CAMK4: variants seen among roughly 807,000 people sequenced by gnomAD.
CAMK4 encodes the protein calcium/calmodulin dependent protein kinase IV, also known as calcium/calmodulin-dependent protein kinase type IV.
CAMK4 carries 22 observed loss-of-function variants against 44.9 expected under a neutral mutation model. That is an observed-to-expected ratio of 0.49 (90% CI 0.35 to 0.70). The LOEUF (loss-of-function observed/expected upper bound fraction) is 0.70. Ranked by LOEUF, CAMK4 falls within the 30% of genes least tolerant of loss-of-function variation. The pLI, the probability that CAMK4 is intolerant of heterozygous loss-of-function variation, is 0.01. For synonymous variants in CAMK4, 218 were observed against 215.4 expected (o/e 1.01, Z -0.11); for missense variants, 498 against 586.8 (o/e 0.85, Z 1.56).
chr5:111,416,529 A>G (rs1253717699), intron 5 of CAMK4: 2 of 152,218 alleles, frequency 1.3e-5, no homozygotes, highest in African/African-American at 2.4e-5. Context: ...TCCAAGATAC[A>G]TAGAACCTCA....
rs1050828343 is a variant in CAMK4 at position 111,494,258 on chromosome 5, T to C, written c.*9792T>C. Reference sequence around the variant, plus strand: ...TTTTAAGTTTACACAACCAAGATTATAGGCTACCTTCCCAACTTCTAATTT... The same window carrying C: ...TTTTAAGTTTACACAACCAAGATTACAGGCTACCTTCCCAACTTCTAATTT... On this transcript the variant is annotated 3_prime_UTR_variant, in exon 11 of 11. Coordinates refer to ENST00000282356, the MANE Select transcript of CAMK4 (RefSeq NM_001744.6). 8 of 152,176 alleles carry C rather than the reference T, an allele frequency of 5.3e-5. No homozygotes were observed. The highest frequency in any genetic ancestry group is 1.2e-4 in the Non-Finnish European group (8 of 68,016). 9.4% of individuals were successfully genotyped at this position (152,176 alleles called of 1,614,324 possible). A position where few individuals can be genotyped will look rare whatever the true frequency, so the allele number is the denominator to read the frequency against.
At chr5:111,347,738 A>G (rs1183654764) in intron 2 of CAMK4, among the ~76,000 whole-genome samples, 1 of 151,960 alleles carries the variant, frequency 6.6e-6, no homozygotes, top group African/African-American at 2.4e-5. Context: ...CTCCAGTATG[A>G]CCTAATCTTA....
At chr5:111,287,001 G>T (rs528084713) in intron 1 of CAMK4, among the ~76,000 whole-genome samples, 61 of 152,270 alleles carry the variant, frequency 4.0e-4, no homozygotes, top group African/African-American at 1.4e-3. Context: ...GTAGGTTCTT[G>T]AGAGTTTTTG....
chr5:111,398,975 A>G (rs1022182260), intron 5 of CAMK4, among the ~76,000 whole-genome samples: 5 of 152,212 alleles, frequency 3.3e-5, no homozygotes, highest in South Asian at 2.1e-4. Flanking sequence ...TCAGACTGCT[A>G]TGAAACCTAC....
intron 1 of CAMK4, among the ~76,000 whole-genome samples, chr5:111,273,774 TAC>T (rs1750643209): frequency 6.9e-6 from 1 of 144,496 alleles, no homozygotes. Flanking sequence ...CACACATATA[TAC>T]ACACACATAC....
In CAMK4 at chr5:111,288,190, T is replaced by C. The variant is rs540834765; in HGVS notation, c.162-55834T>C. Among the ~76,000 whole-genome samples the C allele has an allele frequency of 3.9e-5, 6 of 152,360 alleles. No homozygotes were observed. In the South Asian group the frequency reaches 1.2e-3, roughly 32 times the overall value. On this transcript the variant is annotated intron_variant, in intron 1 of 10. Transcript: ENST00000282356. ...ATATGGTATTCTGTTGTAAAAACAT[T>C]ATCACAATTTATTTTTCTATTCTGC... is the stretch of plus-strand genomic sequence containing the variant.
chr5:111,254,914 A>C (rs1315114798), intron 1 of CAMK4, among the ~76,000 whole-genome samples: 1 of 152,096 alleles, frequency 6.6e-6, no homozygotes, highest in African/African-American at 2.4e-5. Context: ...CTGTGCAAAT[A>C]CTGTGATGAG....
chr5:111,368,756 G>C (rs1051087778), intron 2 of CAMK4, among the ~76,000 whole-genome samples: 1 of 151,916 alleles, frequency 6.6e-6, no homozygotes, highest in South Asian at 2.1e-4. Flanking sequence ...ACTCTCTTTG[G>C]ATTGACAGTG....
chr5:111,361,876 G>A (rs438640), intron 2 of CAMK4, among the ~76,000 whole-genome samples: 132,181 of 152,036 alleles, frequency 0.87, 57,784 homozygotes, highest in East Asian at 1. Context: ...AAATTTTTTA[G>A]AATAACAATA....
intron 5 of CAMK4, among the ~76,000 whole-genome samples, chr5:111,434,097 C>T (rs1753558718): frequency 6.6e-6 from 1 of 152,048 alleles, no homozygotes; most frequent in Admixed American, 6.5e-5. Flanking sequence ...AGATTTAGAC[C>T]ATTCTGGCCA....
At chr5:111,417,379 C>G (rs547354858) in intron 5 of CAMK4, among the ~76,000 whole-genome samples, 2 of 152,164 alleles carry the variant, frequency 1.3e-5, no homozygotes, top group African/African-American at 4.8e-5. Flanking sequence ...CCACGCCCAG[C>G]TAATTTTTGT....
intron 5 of CAMK4, among the ~76,000 whole-genome samples, chr5:111,427,969 A>G (rs754864370): frequency 6.6e-6 from 1 of 152,248 alleles, no homozygotes; most frequent in Non-Finnish European, 1.5e-5. Context: ...CTGGCCCAGC[A>G]CAGTCATACC....
chr5:111,351,798 T>C (rs550802862), intron 2 of CAMK4, among the ~76,000 whole-genome samples: 2 of 152,268 alleles, frequency 1.3e-5, no homozygotes, highest in Non-Finnish European at 2.9e-5. Context: ...GGTGCTATCA[T>C]TATTTTATAG....
chr5:111,323,759 C>T (rs1580589854), intron 1 of CAMK4, among the ~76,000 whole-genome samples: 1 of 152,084 alleles, frequency 6.6e-6, no homozygotes, highest in South Asian at 2.1e-4. Context: ...TAATGCCAAA[C>T]AAACTTTTTA....
At chr5:111,471,670 C>CA (rs1755070869) in intron 7 of CAMK4, among the ~76,000 whole-genome samples, 1 of 152,048 alleles carries the variant, frequency 6.6e-6, no homozygotes, top group Non-Finnish European at 1.5e-5. Flanking sequence ...TATTTTGGTA[C>CA]AAAAAATTGT....
At chr5:111,454,156 C>T (rs1399292539) in intron 7 of CAMK4, among the ~76,000 whole-genome samples, 1 of 152,094 alleles carries the variant, frequency 6.6e-6, no homozygotes, top group African/African-American at 2.4e-5. Context: ...GAAAAAGTGT[C>T]TGACACCCAT....
chr5:111,335,247 C>T lies in CAMK4; in HGVS notation c.162-8777C>T, dbSNP rs145001918. Among the ~76,000 whole-genome samples the T allele has an allele frequency of 6.5e-3, 992 of 151,622 alleles. 33 individuals are homozygous for T. Among genetic ancestry groups the T allele is most frequent in the Admixed American group, 0.061 (927 of 15,150 alleles). ...AGAAGAGACAATTTCTGATTTATAA[C>T]CTCCCTTAATAGGAGAATGCCCTTG... On this transcript the variant is annotated intron_variant, in intron 1 of 10. Coordinates refer to ENST00000282356, the MANE Select transcript of CAMK4 (RefSeq NM_001744.6).
chr5:111,259,398 A>G (rs547044734), intron 1 of CAMK4, among the ~76,000 whole-genome samples: 2 of 152,366 alleles, frequency 1.3e-5, no homozygotes, highest in African/African-American at 4.8e-5. Context: ...GATTTGAAGT[A>G]TAGAGAAGAA....
intron 1 of CAMK4, among the ~76,000 whole-genome samples, chr5:111,321,594 C>T (rs1748666662): frequency 6.6e-6 from 1 of 152,092 alleles, no homozygotes; most frequent in Non-Finnish European, 1.5e-5. Flanking sequence ...CTCTCAGCCA[C>T]ATGAATCCTT....
Sources: allele counts gnomAD v4.1 joint callset (sites outside exome capture counted in the v4.1 genomes callset), GRCh38; gene constraint gnomAD v4.1.1; transcripts MANE v1.5; gene names NCBI Gene and HGNC (gene_info 2026-07-23, HGNC 2026-07-21).